Variants in KIAA1958 observed in about 807,000 individuals in gnomAD.
KIAA1958 encodes the protein KIAA1958.
KIAA1958 carries 14 observed loss-of-function variants against 47.2 expected under a neutral mutation model. The ratio of observed to expected loss-of-function variants is 0.30; its 90% CI spans 0.20 to 0.46. KIAA1958 has a LOEUF of 0.46. Ranked by LOEUF, KIAA1958 falls within the 20% of genes least tolerant of loss-of-function variation. KIAA1958 has a pLI of 1.00. For synonymous variants in KIAA1958, 354 were observed against 353.3 expected, an observed-to-expected ratio of 1.00 and a Z score of -0.02; for missense variants, 803 against 909.2, an observed-to-expected ratio of 0.88 and a Z score of 1.50.
At chr9:112,576,572 C>A (rs1428329481) in intron 2 of KIAA1958, among the ~76,000 whole-genome samples, 1 of 152,128 alleles carries the variant, frequency 6.6e-6, no homozygotes, top group Non-Finnish European at 1.5e-5. Flanking sequence ...TTTTCCTATT[C>A]TATATGTTTC....
intron 2 of KIAA1958, among the ~76,000 whole-genome samples, chr9:112,627,252 A>G (rs2131225739): frequency 6.6e-6 from 1 of 152,336 alleles, no homozygotes; most frequent in East Asian, 1.9e-4. Flanking sequence ...AGAATTCTGA[A>G]CTTTTCTAAT....
In KIAA1958 at chr9:112,659,472, T is replaced by C; in HGVS notation, c.1554T>C (p.Ser518=). Reference sequence around the variant, plus strand: ...TCAAGGAGAAGCTGTGGGTGCTGAGTAAGGCAGGCATGTCGGGCGCGCGTT... The same window carrying C: ...TCAAGGAGAAGCTGTGGGTGCTGAGCAAGGCAGGCATGTCGGGCGCGCGTT... ...KKLKEKLWVL[S]KAGMSGARSR... The change falls in exon 4 of 4, where the codon AGT becomes AGC. Residue 518 remains serine (S), a synonymous_variant. Coordinates refer to ENST00000337530, the MANE Select transcript of KIAA1958 (RefSeq NM_133465.4). The C allele has an allele frequency of 1.2e-6, 2 of 1,613,794 alleles. No homozygotes were observed. Among genetic ancestry groups the C allele is most frequent in the Non-Finnish European group, 1.7e-6 (2 of 1,179,902 alleles).
chr9:112,649,085 C>T (rs1039031625), intron 3 of KIAA1958, among the ~76,000 whole-genome samples: 5 of 152,058 alleles, frequency 3.3e-5, no homozygotes. Flanking sequence ...GCATATTTTA[C>T]TTAGAGAAGA....
intron 1 of KIAA1958, among the ~76,000 whole-genome samples, chr9:112,540,565 A>T: frequency 6.6e-6 from 1 of 152,330 alleles, no homozygotes; most frequent in Non-Finnish European, 1.5e-5. Context: ...TTATTGTAAT[A>T]TTTAAAATAT....
intron 2 of KIAA1958, among the ~76,000 whole-genome samples, chr9:112,613,607 A>G (rs1836363224): frequency 6.8e-6 from 1 of 147,328 alleles, no homozygotes. Context: ...TATCTAGAAT[A>G]TGTTAAAAAC....
rs143161266 is a variant in KIAA1958, at chr9:112,612,311, C to T, written c.1172-33339C>T. ...TGGTTTGTGCTTGTAGGCCCAGCTACGTTGGAGGATTGCTTGAACCCAGGA... is the reference window on the plus strand; with the variant it reads ...TGGTTTGTGCTTGTAGGCCCAGCTATGTTGGAGGATTGCTTGAACCCAGGA... On this transcript the variant is annotated intron_variant, in intron 2 of 3. Transcript: ENST00000337530. 7.6e-3 allele frequency among the ~76,000 whole-genome samples: 1,161 copies of T among 151,988 alleles called. 9 individuals carry two copies. Among genetic ancestry groups the T allele is most frequent in the Admixed American group, 0.016 (243 of 15,272 alleles).
intron 1 of KIAA1958, among the ~76,000 whole-genome samples, chr9:112,502,611 C>T (rs1834162394): frequency 6.6e-6 from 1 of 152,094 alleles, no homozygotes; most frequent in African/African-American, 2.4e-5. Context: ...TATATTTATA[C>T]CAATTTATCT....
In KIAA1958 at chr9:112,574,764, G is replaced by A; in HGVS notation, c.684G>A (p.Leu228=). ...ELTGGVDGPA[L]SLTQMAKPKP... ...CAGGAGGAGTAGATGGACCAGCCCTGTCCTTGACACAGATGGCAAAACCCA... is the reference window on the plus strand; with the variant it reads ...CAGGAGGAGTAGATGGACCAGCCCTATCCTTGACACAGATGGCAAAACCCA... The change falls in exon 2 of 4, where the codon CTG becomes CTA. Residue 228 remains leucine (L), a synonymous_variant. Coordinates refer to ENST00000337530, the MANE Select transcript of KIAA1958 (RefSeq NM_133465.4). The A allele has an allele frequency of 1.9e-6, 3 of 1,614,100 alleles. No individual in the cohort carries two copies. Among genetic ancestry groups the A allele is most frequent in the Non-Finnish European group, 2.5e-6 (3 of 1,179,988 alleles).
intron 1 of KIAA1958, among the ~76,000 whole-genome samples, chr9:112,526,001 T>TC (rs1306094297): frequency 8.8e-4 from 1 of 1,130 alleles, no homozygotes; most frequent in African/African-American, 5.6e-3. Flanking sequence ...TTCTTCTTCT[T>TC]TTTTTTTTTA....
At chr9:112,634,224 A>G (rs1446376762) in intron 2 of KIAA1958, among the ~76,000 whole-genome samples, 1 of 152,090 alleles carries the variant, frequency 6.6e-6, no homozygotes, top group African/African-American at 2.4e-5. Context: ...TGCAAGGCCC[A>G]TTCAAATTTT....
intron 2 of KIAA1958, among the ~76,000 whole-genome samples, chr9:112,625,504 G>A (rs765689794): frequency 2.0e-5 from 3 of 152,012 alleles, no homozygotes; most frequent in Admixed American, 6.5e-5. Flanking sequence ...GGAGGTGAAT[G>A]CCCAGGTGCT....
intron 1 of KIAA1958, among the ~76,000 whole-genome samples, chr9:112,555,222 G>A (rs1269580056): frequency 2.0e-5 from 3 of 152,288 alleles, no homozygotes; most frequent in Admixed American, 6.5e-5. Context: ...CATCTCCTGG[G>A]CACAGAGCAT....
intron 1 of KIAA1958, among the ~76,000 whole-genome samples, chr9:112,569,151 T>C (rs1024603821): frequency 6.6e-6 from 1 of 152,158 alleles, no homozygotes; most frequent in Non-Finnish European, 1.5e-5. Flanking sequence ...TCCTTCTATA[T>C]GTGGTACTGT....
At chr9:112,634,383 C>T (rs1401771541) in intron 2 of KIAA1958, among the ~76,000 whole-genome samples, 1 of 152,104 alleles carries the variant, frequency 6.6e-6, no homozygotes, top group Admixed American at 6.6e-5. Flanking sequence ...CGCACACCAC[C>T]ATGCCCGGCT....
intron 1 of KIAA1958, among the ~76,000 whole-genome samples, chr9:112,507,212 G>A (rs969931905): frequency 2.6e-5 from 4 of 152,100 alleles, no homozygotes; most frequent in African/African-American, 9.7e-5. Flanking sequence ...TGGTCCAAGG[G>A]GTGGCATATG....
At chr9:112,495,782 C>A (rs560253262) in intron 1 of KIAA1958, among the ~76,000 whole-genome samples, 3 of 152,328 alleles carry the variant, frequency 2.0e-5, no homozygotes, top group East Asian at 3.9e-4. Context: ...ATTGTTGTTC[C>A]CTTCCGCAGT....
At chr9:112,562,555 A>G (rs1835352283) in intron 1 of KIAA1958, among the ~76,000 whole-genome samples, 3 of 152,178 alleles carry the variant, frequency 2.0e-5, no homozygotes. Flanking sequence ...TAGAAAGCCT[A>G]ATGTGATCCT....
chr9:112,602,550 C>G (rs1369267879), intron 2 of KIAA1958, among the ~76,000 whole-genome samples: 1 of 152,054 alleles, frequency 6.6e-6, no homozygotes, highest in Non-Finnish European at 1.5e-5. Flanking sequence ...AGGGAGCTAT[C>G]CATTGGTTTT....
At chr9:112,609,652 A>C (rs2131208306) in intron 2 of KIAA1958, among the ~76,000 whole-genome samples, 1 of 152,242 alleles carries the variant, frequency 6.6e-6, no homozygotes, top group South Asian at 2.1e-4. Context: ...CCTAGGCTCA[A>C]GGGATTCTCC....
Sources: gnomAD v4.1 joint callset for allele counts (sites outside exome capture counted in the v4.1 genomes callset) on GRCh38, gnomAD v4.1.1 for gene constraint, MANE v1.5 for transcripts, NCBI Gene and HGNC (gene_info 2026-07-23, HGNC 2026-07-21) for gene names.